Variants in ATG16L2 observed in about 807,000 individuals in gnomAD.
The protein encoded by ATG16L2 is protein Atg16l2.
Under a neutral mutation model 84.7 loss-of-function variants are expected in ATG16L2, and 77 were observed. The ratio of observed to expected loss-of-function variants is 0.91; its 90% CI spans 0.76 to 1.10. ATG16L2 has a LOEUF of 1.10. Among genes scored for constraint, ATG16L2 ranks in the 50% least tolerant of loss-of-function variants. The probability of loss-of-function intolerance (pLI) is 0.00; values close to 1 mark genes in which losing one functional copy is unlikely to be tolerated. For synonymous variants in ATG16L2, 361 were observed against 342.8 expected (o/e 1.05, Z -0.59); for missense variants, 782 against 817.6 (o/e 0.96, Z 0.53).
chr11:72,823,414 CTTGTG>C, intron 7 of ATG16L2: 2 of 350,300 alleles, frequency 5.7e-6, no homozygotes, highest in South Asian at 2.2e-5. Context: ...TGTGCTCACA[CTTGTG>C]GGACCTGATT....
In ATG16L2 at chr11:72,821,608, C is replaced by G. The variant is rs1859996715; in HGVS notation, c.319-60C>G. ...CCGACTCCCTTAGCGCCTTCGGCCCCGGAGGGACTGGAGGCCTGGAGGGGC... is the reference window on the plus strand; with the variant it reads ...CCGACTCCCTTAGCGCCTTCGGCCCGGGAGGGACTGGAGGCCTGGAGGGGC... On this transcript the variant is annotated intron_variant, in intron 3 of 17. Coordinates refer to ENST00000321297, the MANE Select transcript of ATG16L2 (RefSeq NM_033388.2). The G allele has an allele frequency of 2.6e-6, 4 of 1,510,498 alleles. No homozygotes were observed. In the South Asian group the frequency reaches 3.7e-5, roughly 14 times the overall value. The allele number at this position is 1,510,498 out of a possible 1,614,324, so 93.6% of individuals were successfully genotyped here.
At chr11:72,840,099 C>T (rs568342491) in intron 5 of ATG16L2, among the ~76,000 whole-genome samples, 5 of 152,324 alleles carry the variant, frequency 3.3e-5, no homozygotes, top group South Asian at 2.1e-4. Flanking sequence ...GCCTCCTAAT[C>T]GCTCCCTATA....
At chr11:72,840,467 C>T (rs143543601) in intron 5 of ATG16L2, among the ~76,000 whole-genome samples, 3 of 152,218 alleles carry the variant, frequency 2.0e-5, no homozygotes, top group East Asian at 3.9e-4. Flanking sequence ...TATATTCACC[C>T]GGAGAATAAA....
rs1860820317 is a variant in ATG16L2 at position 72,838,991 on chromosome 11, ATGT to A, written c.*22-3622_*22-3620del. Reference sequence around the variant, plus strand: ...CATGGGCACCCTAGGGGTCTCAGAAATGTTGTGAGCACGTGCTTTCAACCTAGT... The same window carrying A: ...CATGGGCACCCTAGGGGTCTCAGAAATGTGAGCACGTGCTTTCAACCTAGT... On this transcript the variant is annotated intron_variant, in intron 5 of 5. Coordinates refer to the ATG16L2 transcript ENST00000534905. The A allele has an allele frequency of 2.1e-5, 17 of 806,904 alleles. No individual in the cohort carries two copies. The East Asian group carries it at 3.5e-4, about 17-fold the overall frequency. 50.0% of individuals were successfully genotyped at this position (806,904 alleles called of 1,614,324 possible).
chr11:72,829,019 C>T (rs1860527239), intron 17 of ATG16L2, 35 bp downstream of exon 17: 3 of 1,592,032 alleles, frequency 1.9e-6, no homozygotes, highest in Non-Finnish European at 2.6e-6. Flanking sequence ...CCTGCCTGGC[C>T]CCAGTCCTGC....
At chr11:72,817,679 C>A in intron 2 of ATG16L2, 77 bp from the exon 3 acceptor site, 1 of 1,418,100 alleles carries the variant, frequency 7.1e-7, no homozygotes, top group Non-Finnish European at 9.9e-7. Context: ...TTAGGCTTTT[C>A]ATGTAGCATC....
intron 7 of ATG16L2, chr11:72,823,164 C>G: frequency 1.9e-6 from 1 of 533,274 alleles, no homozygotes; most frequent in Non-Finnish European, 3.3e-6. Flanking sequence ...CCCCCCAACC[C>G]CTACCCTCAA....
intron 17 of ATG16L2, 32 bp from the exon 18 acceptor site, chr11:72,829,271 C>G (rs1166805480): frequency 1.9e-6 from 3 of 1,605,792 alleles, no homozygotes; most frequent in South Asian, 2.2e-5. Flanking sequence ...GTTCCTGAAG[C>G]CCCCCTGAAG....
intron 1 of ATG16L2, chr11:72,815,973 A>T (rs10898881): frequency 6.6e-6 from 1 of 151,634 alleles, no homozygotes; most frequent in Non-Finnish European, 1.5e-5. Flanking sequence ...GGAAGTTGGG[A>T]TTATTTATTT....
downstream of ATG16L2, among the ~76,000 whole-genome samples, chr11:72,831,451 G>T (rs1249870786): frequency 2.0e-5 from 3 of 152,240 alleles, no homozygotes; most frequent in South Asian, 6.2e-4. Context: ...GTTGCAGTGA[G>T]CTGAGAATGC....
intron 5 of ATG16L2, chr11:72,837,941 A>C (rs1374581352): frequency 6.6e-6 from 1 of 152,238 alleles, no homozygotes; most frequent in Non-Finnish European, 1.5e-5. Context: ...TTGGATTCTA[A>C]GGATACTGGT....
At chr11:72,839,932 G>C (rs1229184636) in intron 5 of ATG16L2, among the ~76,000 whole-genome samples, 1 of 152,170 alleles carries the variant, frequency 6.6e-6, no homozygotes, top group Non-Finnish European at 1.5e-5. Flanking sequence ...GCAGAGACAG[G>C]TGGCGGCAAG....
Position 72,822,199 on chromosome 11 carries a change from G to A in ATG16L2, c.548G>A (p.Arg183Lys). Residue 183 changes from arginine (R) to lysine (K), a missense_variant, in exon 5 of 18, where the codon AGG becomes AAG. Arg to Lys is a conservative substitution (Grantham distance 26). Coordinates refer to ENST00000321297, the MANE Select transcript of ATG16L2 (RefSeq NM_033388.2). This position sits in a 1 kb window ranked among gnomAD's most constrained non-coding sequence, Gnocchi z 4.2. ...GGGCTCCGGGAGGCGGCACTGCGCA[G>A]GCTCCAGGAAGAGGCGCGCGACCTG... ...HVGLREAALRRLQEEARDLLE... is the reference protein window; with the variant it reads ...HVGLREAALRKLQEEARDLLE... 6.6e-7 allele frequency: 1 copy of A among 1,505,600 alleles called. No individual in the cohort carries two copies. Among genetic ancestry groups the A allele is most frequent in the South Asian group, 1.2e-5 (1 of 81,226 alleles). The allele number at this position is 1,505,600 out of a possible 1,614,324, so 93.3% of individuals were successfully genotyped here.
exon 6 of ATG16L2, chr11:72,843,647 T>C: frequency 1.4e-6 from 1 of 712,058 alleles, no homozygotes; most frequent in Non-Finnish European, 2.4e-6. Flanking sequence ...AGAAACATGT[T>C]GAACATAAAA....
chr11:72,821,659 C>G lies in ATG16L2; in HGVS notation c.319-9C>G, dbSNP rs1212152071. On this transcript the variant is annotated splice_polypyrimidine_tract_variant and intron_variant, in intron 3 of 17. Coordinates refer to ENST00000321297, the MANE Select transcript of ATG16L2 (RefSeq NM_033388.2). ...CTCAGCGCCGCCGTGCCCACCTGTCCGCCCCCAGATGGCCTACCAGGTGGT... is the reference window on the plus strand; with the variant it reads ...CTCAGCGCCGCCGTGCCCACCTGTCGGCCCCCAGATGGCCTACCAGGTGGT... 1 of 1,533,264 alleles carries G rather than the reference C, an allele frequency of 6.5e-7. No individual in the cohort carries two copies. Among genetic ancestry groups the G allele is most frequent in the Non-Finnish European group, 8.7e-7 (1 of 1,144,476 alleles). 95.0% of individuals were successfully genotyped at this position (1,533,264 alleles called of 1,614,324 possible).
At chr11:72,843,137 GT>G in exon 6 of ATG16L2, 1 of 1,613,234 alleles carries the variant, frequency 6.2e-7, no homozygotes, top group East Asian at 2.2e-5. Flanking sequence ...AGAGTGCCTT[GT>G]TTCAGTCTTT....
exon 6 of ATG16L2, chr11:72,843,071 T>A: frequency 7.2e-7 from 1 of 1,380,912 alleles, no homozygotes; most frequent in Non-Finnish European, 1.0e-6. Context: ...GTGCTTTTTA[T>A]CCTACTGAAG....
At chr11:72,841,586 G>C in intron 5 of ATG16L2, 1 of 1,595,422 alleles carries the variant, frequency 6.3e-7, no homozygotes, top group Non-Finnish European at 8.5e-7. Context: ...GGAGAGATCT[G>C]CAGCAAAGGG....
downstream of ATG16L2, among the ~76,000 whole-genome samples, chr11:72,832,299 C>A (rs1004705326): frequency 1.3e-5 from 2 of 152,316 alleles, no homozygotes; most frequent in South Asian, 2.1e-4. Flanking sequence ...TCTTACCACA[C>A]ACGCTGCTGC....
Sources: allele counts gnomAD v4.1 joint callset (sites outside exome capture counted in the v4.1 genomes callset), GRCh38; gene constraint gnomAD v4.1.1; non-coding constraint Gnocchi (gnomAD v3.1); transcripts MANE v1.5; gene names NCBI Gene and HGNC (gene_info 2026-07-23, HGNC 2026-07-21).